CENPS: variants seen among roughly 807,000 people sequenced by gnomAD.
CENPS encodes the protein centromere protein S, also known as FANCM associated histone fold protein 1.
CENPS carries 16 observed loss-of-function variants against 17.9 expected under a neutral mutation model. The observed-to-expected ratio is 0.90, with a 90% CI of 0.61 to 1.36. CENPS has a LOEUF of 1.36. Among genes scored for constraint, CENPS ranks in the 40% most tolerant of loss-of-function variants. The pLI is 0.00. For missense variants in CENPS, 160 were observed against 158.6 expected (o/e 1.01, Z -0.05); for synonymous variants, 49 against 55.8 (o/e 0.88, Z 0.54).
intron 3 of CENPS, among the ~76,000 whole-genome samples, chr1:10,439,106 C>T (rs778844124): frequency 2.0e-5 from 3 of 152,082 alleles, no homozygotes; most frequent in Non-Finnish European, 2.9e-5. Flanking sequence ...TGAGATGACA[C>T]GTGATATTTG....
At position 10,430,527 on chromosome 1, in the gene CENPS, G is replaced by A. The variant is rs1447104530; in HGVS notation, c.10G>A (p.Glu4Lys). The A allele has an allele frequency of 6.5e-7, 1 of 1,538,758 alleles. No homozygotes were observed. Among genetic ancestry groups the A allele is most frequent in the Non-Finnish European group, 8.7e-7 (1 of 1,142,882 alleles). Residue 4 changes from glutamate to lysine, a missense_variant, in exon 1 of 5, where the codon GAG (glutamate) becomes AAG (lysine). Coordinates refer to ENST00000309048, the MANE Select transcript of CENPS (RefSeq NM_199294.3). MEE[E>K]AETEEQQRFS... ...GGGTCGGCCCGCAGTGATGGAGGAG[G>A]AGGCGGAGACCGAGGAGCAGCAGCG...
Position 10,440,402 on chromosome 1 carries a change from A to G in CENPS, c.265A>G (p.Ser89Gly), listed in dbSNP as rs747807447. ...TEDVKLLARRSNSLLKYITDK... is the reference protein window; with the variant it reads ...TEDVKLLARRGNSLLKYITDK... ...AGATGTGAAGCTCTTAGCCAGGAGG[A>G]GTAATTCACTGGTGAGAGATGAATT... The change falls in exon 4 of 5, where the codon AGT becomes GGT. Residue 89 changes from serine to glycine, a missense_variant. Physicochemically the swap from Ser to Gly is moderately conservative, Grantham distance 56. Coordinates refer to ENST00000309048, the MANE Select transcript of CENPS (RefSeq NM_199294.3). 4.3e-6 allele frequency: 7 copies of G among 1,614,086 alleles called. No individual in the cohort carries two copies. Among genetic ancestry groups the G allele is most frequent in the Non-Finnish European group, 5.9e-6 (7 of 1,180,004 alleles).
intron 2 of CENPS, among the ~76,000 whole-genome samples, 200 bp from the exon 3 acceptor site, chr1:10,434,457 C>T (rs773951144): frequency 2.9e-4 from 44 of 152,128 alleles, no homozygotes; most frequent in Non-Finnish European, 5.0e-4. Context: ...CTGGGAAGGA[C>T]AAGGAGATCG....
chr1:10,434,327 T>C (rs1422621621), intron 2 of CENPS, among the ~76,000 whole-genome samples: 2 of 152,166 alleles, frequency 1.3e-5, no homozygotes, highest in Non-Finnish European at 2.9e-5. Flanking sequence ...TTTGCTTGAC[T>C]TCAGAGGGGA....
chr1:10,432,014 C>T (rs183381848), intron 1 of CENPS, among the ~76,000 whole-genome samples: 48 of 152,154 alleles, frequency 3.2e-4, no homozygotes, highest in Admixed American at 1.6e-3. Flanking sequence ...TTTTTTCCTT[C>T]ATCCAGGATT....
chr1:10,438,702 C>T (rs975240246), intron 3 of CENPS, among the ~76,000 whole-genome samples: 1 of 152,048 alleles, frequency 6.6e-6, no homozygotes, highest in African/African-American at 2.4e-5. Flanking sequence ...GGATGCCCTG[C>T]CCCTCCATTG....
chr1:10,433,032 G>A, intron 1 of CENPS, among the ~76,000 whole-genome samples: 1 of 152,250 alleles, frequency 6.6e-6, no homozygotes, highest in South Asian at 2.1e-4. Flanking sequence ...TTGCCTATGC[G>A]TTGAACACTT....
In CENPS at chr1:10,442,570, C is replaced by T. The variant is rs1296066086; in HGVS notation, c.*165C>T. 1 of 1,182,440 alleles carries T rather than the reference C, an allele frequency of 8.5e-7. No individual in the cohort carries two copies. The highest frequency in any genetic ancestry group is 3.4e-5 in the South Asian group (1 of 29,218). 73.2% of individuals were successfully genotyped at this position (1,182,440 alleles called of 1,614,324 possible). ...GCTGAATTCTCCACATTGTTAACTG[C>T]CAAAGCTAGTTTTAGAGAATGAGAA... is the stretch of plus-strand genomic sequence containing the variant. On this transcript the variant is annotated 3_prime_UTR_variant, in exon 5 of 5. Transcript: ENST00000309048.
At chr1:10,435,414 G>T (rs761545648) in intron 3 of CENPS, among the ~76,000 whole-genome samples, 1 of 151,812 alleles carries the variant, frequency 6.6e-6, no homozygotes, top group African/African-American at 2.4e-5. Context: ...TTTGTTTCTC[G>T]GGTGCGTGTT....
intron 3 of CENPS, among the ~76,000 whole-genome samples, chr1:10,436,400 TA>T (rs1242186670): frequency 6.6e-6 from 1 of 151,554 alleles, no homozygotes; most frequent in African/African-American, 2.4e-5. Flanking sequence ...CGACATCTTT[TA>T]TGTAAAAGTG....
intron 3 of CENPS, 21 bp from the exon 4 acceptor site, chr1:10,440,326 T>A: frequency 6.2e-7 from 1 of 1,610,490 alleles, no homozygotes; most frequent in Non-Finnish European, 8.5e-7. Context: ...TTTTGGTGAC[T>A]TGCTTCTGCC....
At chr1:10,440,025 G>A (rs1369745825) in intron 3 of CENPS, 5 of 325,808 alleles carry the variant, frequency 1.5e-5, no homozygotes, top group African/African-American at 4.4e-5. Flanking sequence ...TGATTTTTCT[G>A]TGGCCTTAGC....
intron 1 of CENPS, 72 bp from the exon 2 acceptor site, chr1:10,433,770 C>T: frequency 6.2e-7 from 1 of 1,601,512 alleles, no homozygotes; most frequent in Non-Finnish European, 8.5e-7. Flanking sequence ...TCTCCTTGGT[C>T]TTCATTTTTT....
intron 3 of CENPS, among the ~76,000 whole-genome samples, chr1:10,439,251 G>T (rs1299467488): frequency 6.6e-6 from 1 of 152,302 alleles, no homozygotes; most frequent in South Asian, 2.1e-4. Context: ...AGTTATTAAG[G>T]ATGCAAAGAT....
chr1:10,436,285 T>A (rs1297060568), intron 3 of CENPS, among the ~76,000 whole-genome samples: 1 of 150,938 alleles, frequency 6.6e-6, no homozygotes, highest in Non-Finnish European at 1.5e-5. Flanking sequence ...GGCAAACAGT[T>A]GATTTTCTTT....
At chr1:10,440,757 G>A (rs1483345500) in intron 4 of CENPS, among the ~76,000 whole-genome samples, 3 of 152,218 alleles carry the variant, frequency 2.0e-5, no homozygotes, top group African/African-American at 7.2e-5. Flanking sequence ...ACAGTTCTCC[G>A]AATAGGCCAG....
intron 3 of CENPS, among the ~76,000 whole-genome samples, chr1:10,435,716 T>TACACACACACACACACACAC (rs60607643): frequency 7.0e-6 from 1 of 142,660 alleles, no homozygotes; most frequent in African/African-American, 2.6e-5. Flanking sequence ...TATATATATA[T>TACACACACACACACACACAC]ACACACACAC....
chr1:10,430,697 A>G (rs1639864945), intron 1 of CENPS, 129 bp downstream of exon 1: 1 of 1,383,356 alleles, frequency 7.2e-7, no homozygotes, highest in African/African-American at 2.1e-5. Flanking sequence ...GCGGCTGCGC[A>G]TGCGTTGGCT....
rs964091999 is a variant in CENPS at position 10,442,362 on chromosome 1, C to A, written c.374C>A (p.Ser125Ter). The A allele has an allele frequency of 2.5e-6, 4 of 1,605,828 alleles. No individual in the cohort carries two copies. Among genetic ancestry groups the A allele is most frequent in the South Asian group, 1.1e-5 (1 of 89,774 alleles). The stretch of plus-strand genomic sequence containing the variant: ...AAGTCAGAGGATGGAAGCAAAAATT[C>A]AAGGCAGCCAGCAGAGGCTGGAGTG... Reference protein sequence around the residue: ...KKKSEDGSKNSRQPAEAGVVE... With the variant: ...KKKSEDGSKN The change falls in exon 5 of 5, where the codon TCA becomes TAA. Residue 125 changes from serine (S) to a stop codon, truncating the protein, a stop_gained. Transcript: ENST00000309048. LOFTEE classifies it low-confidence loss of function (END_TRUNC).
Sources: gnomAD v4.1 joint callset for allele counts (sites outside exome capture counted in the v4.1 genomes callset) on GRCh38, gnomAD v4.1.1 for gene constraint, MANE v1.5 for transcripts, NCBI Gene and HGNC (gene_info 2026-07-23, HGNC 2026-07-21) for gene names.